The following LNX1 variants were observed in gnomAD, a reference collection of about 807,000 sequenced individuals.
The protein encoded by LNX1 is E3 ubiquitin-protein ligase LNX.
A neutral mutation model predicts 68.4 loss-of-function variants in LNX1; 54 were observed. The observed-to-expected ratio is 0.79, with a 90% CI of 0.63 to 0.99. The LOEUF is 0.99. Ranked by LOEUF, LNX1 falls within the 50% of genes least tolerant of loss-of-function variation. The pLI, the probability that LNX1 is intolerant of heterozygous loss-of-function variation, is 0.00. For synonymous variants in LNX1, 336 were observed against 350.0 expected, an observed-to-expected ratio of 0.96 and a Z score of 0.45; for missense variants, 906 against 926.4, an observed-to-expected ratio of 0.98 and a Z score of 0.29.
At chr4:53,565,404 G>A (rs1184714600) in intron 2 of LNX1, among the ~76,000 whole-genome samples, 4 of 151,750 alleles carry the variant, frequency 2.6e-5, no homozygotes, top group African/African-American at 9.7e-5. Flanking sequence ...ACCTCACACT[G>A]CAGGGTACTC....
At chr4:53,540,830 T>G (rs1185577775) in intron 2 of LNX1, among the ~76,000 whole-genome samples, 1 of 152,128 alleles carries the variant, frequency 6.6e-6, no homozygotes, top group East Asian at 1.9e-4. Context: ...GCACTGTATT[T>G]GATTCTAAAA....
In LNX1 at chr4:53,478,755, A is replaced by G. The variant is rs757087928; in HGVS notation, c.1486-13T>C. 6.2e-6 allele frequency: 10 copies of G among 1,606,486 alleles called. No individual in the cohort carries two copies. The highest frequency in any genetic ancestry group is 7.7e-6 in the Non-Finnish European group (9 of 1,175,248). On this transcript the variant is annotated splice_polypyrimidine_tract_variant and intron_variant, in intron 7 of 10. Transcript: ENST00000263925. Reference sequence around the variant, plus strand: ...TAGGATGGAGGGGCTGAAGGCACAGATGGAAAAACATGGCACATGAATTCA... The same window carrying G: ...TAGGATGGAGGGGCTGAAGGCACAGGTGGAAAAACATGGCACATGAATTCA...
At chr4:53,609,258 C>G (rs1202697556) in intron 2 of LNX1, among the ~76,000 whole-genome samples, 2 of 145,972 alleles carry the variant, frequency 1.4e-5, no homozygotes, top group Non-Finnish European at 3.0e-5. Context: ...ACATGTACCC[C>G]TGAACCTAAA....
chr4:53,505,665 G>T (rs1208817488), intron 4 of LNX1, among the ~76,000 whole-genome samples: 1 of 152,164 alleles, frequency 6.6e-6, no homozygotes, highest in East Asian at 1.9e-4. Flanking sequence ...GACATTTAGT[G>T]GACACTTATG....
At chr4:53,605,641 G>A (rs539547691) in intron 2 of LNX1, among the ~76,000 whole-genome samples, 1 of 151,896 alleles carries the variant, frequency 6.6e-6, no homozygotes, top group Admixed American at 6.6e-5. Context: ...CTGTATTCAT[G>A]TTTTTTTTAA....
chr4:53,470,447 T>G (rs1235786852), intron 9 of LNX1, among the ~76,000 whole-genome samples: 1 of 152,158 alleles, frequency 6.6e-6, no homozygotes, highest in Admixed American at 6.5e-5. Flanking sequence ...GGATGCCCTC[T>G]CTCACCACTT....
At chr4:53,465,061 C>T (rs1282925863) in intron 9 of LNX1, among the ~76,000 whole-genome samples, 2 of 152,080 alleles carry the variant, frequency 1.3e-5, no homozygotes, top group Non-Finnish European at 2.9e-5. Flanking sequence ...TTTATGGAAG[C>T]TATTCTTCCA....
chr4:53,565,093 G>A (rs1201269054), intron 2 of LNX1, among the ~76,000 whole-genome samples: 2 of 151,902 alleles, frequency 1.3e-5, no homozygotes, highest in Non-Finnish European at 2.9e-5. Context: ...CATTGCCCAG[G>A]CTTGATTAGG....
At chr4:53,628,906 A>G (rs1158070013) in intron 1 of LNX1, among the ~76,000 whole-genome samples, 2 of 152,202 alleles carry the variant, frequency 1.3e-5, no homozygotes, top group African/African-American at 4.8e-5. Flanking sequence ...GTTCTCACTT[A>G]TAAGTTGGAG....
chr4:53,509,959 T>G (rs1243405690), intron 2 of LNX1, among the ~76,000 whole-genome samples: 1 of 152,182 alleles, frequency 6.6e-6, no homozygotes, highest in Non-Finnish European at 1.5e-5. Context: ...AGTACTAAAA[T>G]GAAAAGTTAT....
At chr4:53,579,653 C>A (rs1731712419) in intron 1 of LNX1, among the ~76,000 whole-genome samples, 1 of 152,092 alleles carries the variant, frequency 6.6e-6, no homozygotes, top group South Asian at 2.1e-4. Context: ...GATTTAAGAA[C>A]AGCCTTTGGA....
chr4:53,503,115 A>G (rs1403414304), intron 4 of LNX1, among the ~76,000 whole-genome samples: 1 of 152,040 alleles, frequency 6.6e-6, no homozygotes, highest in Non-Finnish European at 1.5e-5. Flanking sequence ...TATTTCCACC[A>G]CATCTATAGT....
At chr4:53,516,888 A>G (rs1237672927) in intron 2 of LNX1, among the ~76,000 whole-genome samples, 1 of 152,102 alleles carries the variant, frequency 6.6e-6, no homozygotes, top group Admixed American at 6.5e-5. Context: ...GAAGGAATGA[A>G]GTTGACAACA....
intron 2 of LNX1, among the ~76,000 whole-genome samples, chr4:53,522,514 A>G (rs1186555994): frequency 6.6e-6 from 1 of 152,166 alleles, no homozygotes; most frequent in Admixed American, 6.5e-5. Flanking sequence ...GGGTTTTATT[A>G]CATATTGACA....
intron 2 of LNX1, among the ~76,000 whole-genome samples, chr4:53,537,310 C>T (rs1236087572): frequency 6.6e-6 from 1 of 152,166 alleles, no homozygotes; most frequent in Non-Finnish European, 1.5e-5. Flanking sequence ...CCTTGAAGTC[C>T]TATGTGTGCA....
chr4:53,544,941 C>A (rs1028972452), intron 2 of LNX1, among the ~76,000 whole-genome samples: 1 of 152,178 alleles, frequency 6.6e-6, no homozygotes, highest in Non-Finnish European at 1.5e-5. Context: ...ATAATGCACT[C>A]GACCAGCACG....
intron 2 of LNX1, among the ~76,000 whole-genome samples, chr4:53,567,971 C>A (rs1284953477): frequency 6.6e-6 from 1 of 151,986 alleles, no homozygotes; most frequent in Non-Finnish European, 1.5e-5. Flanking sequence ...CTGAATAGAC[C>A]AATAACAGGA....
intron 1 of LNX1, chr4:53,576,224 TCCTGCAG>T: frequency 6.2e-7 from 1 of 1,603,836 alleles, no homozygotes; most frequent in Non-Finnish European, 8.5e-7. Context: ...CTGGCTCGCT[TCCTGCAG>T]CCGAGGGTCC....
chr4:53,459,635 C>CTA lies in LNX1; in HGVS notation c.*1270_*1271dup, dbSNP rs1553927174. ...TTAAGTTAAAAATCTTTGTCTTGTA[C>CTA]TATTTCAAAAATAAAAAGACAGCAA... On this transcript the variant is annotated 3_prime_UTR_variant, in exon 11 of 11. Coordinates refer to ENST00000263925, the MANE Select transcript of LNX1 (RefSeq NM_001126328.3). The CTA allele has an allele frequency of 1.3e-5, 10 of 780,236 alleles. No individual in the cohort carries two copies. The East Asian group carries it at 1.4e-4, about 11-fold the overall frequency. The allele number at this position is 780,236 out of a possible 1,614,324, so 48.3% of individuals were successfully genotyped here.
Sources: gnomAD v4.1 joint callset for allele counts (sites outside exome capture counted in the v4.1 genomes callset) on GRCh38, gnomAD v4.1.1 for gene constraint, MANE v1.5 for transcripts, NCBI Gene and HGNC (gene_info 2026-07-23, HGNC 2026-07-21) for gene names.